HOXB3: variants seen among roughly 807,000 people sequenced by gnomAD.
The protein encoded by HOXB3 is homeobox B3, also known as homeobox protein Hox-B3.
HOXB3 carries 17 observed loss-of-function variants against 29.2 expected under a neutral mutation model. That is an observed-to-expected ratio of 0.58 (90% CI 0.40 to 0.87). The LOEUF (loss-of-function observed/expected upper bound fraction) is 0.87. Ranked by LOEUF, HOXB3 falls within the 40% of genes least tolerant of loss-of-function variation. The pLI is 0.00. For synonymous variants in HOXB3, 317 were observed against 285.9 expected (o/e 1.11, Z -1.10); for missense variants, 637 against 616.3 (o/e 1.03, Z -0.35).
At chr17:48,563,783 G>T (rs2069283058) in intron 2 of HOXB3, among the ~76,000 whole-genome samples, 1 of 152,120 alleles carries the variant, frequency 6.6e-6, no homozygotes, top group South Asian at 2.1e-4. Context: ...CAAATAACCC[G>T]CTAGGTGCTA....
chr17:48,573,810 C>G (rs148713420), intron 2 of HOXB3, 27 bp downstream of exon 2: 1 of 701,200 alleles, frequency 1.4e-6, no homozygotes, highest in African/African-American at 1.7e-5. Context: ...GATCAAAACA[C>G]GCCAGCCCGG....
intron 2 of HOXB3, chr17:48,557,157 G>A (rs1364136520): frequency 1.3e-5 from 2 of 152,430 alleles, no homozygotes; most frequent in Admixed American, 1.3e-4. Context: ...AAGCAGGAGT[G>A]TTTGCAACTC....
chr17:48,580,225 G>C, intron 1 of HOXB3: 2 of 237,264 alleles, frequency 8.4e-6, no homozygotes, highest in Non-Finnish European at 1.6e-5. Context: ...CATTAGCTAA[G>C]CACAAAAGGA....
At chr17:48,557,963 G>C (rs1329470742) in intron 2 of HOXB3, among the ~76,000 whole-genome samples, 1 of 151,940 alleles carries the variant, frequency 6.6e-6, no homozygotes, top group East Asian at 1.9e-4. Flanking sequence ...GAGCTTGGTG[G>C]GTCAGGGACT....
In HOXB3 at chr17:48,550,865, C is replaced by G; in HGVS notation, c.765G>C (p.Ser255=). The change falls in exon 5 of 5, where the codon TCG becomes TCC. Residue 255 remains serine, a synonymous_variant. Transcript: ENST00000498678. ...KDQKAKGLAS[S]SGGPSPAGSP... ...TGCCGGCTGGAGATGGGCCCCCCGA[C>G]GACGAGGCCAATCCCTTGGCCTTCT... The G allele has an allele frequency of 2.1e-5, 34 of 1,613,924 alleles. No homozygotes were observed. Among genetic ancestry groups the G allele is most frequent in the Non-Finnish European group, 2.8e-5 (33 of 1,179,930 alleles).
At chr17:48,573,460 C>T (rs1337712453) in intron 2 of HOXB3, among the ~76,000 whole-genome samples, 1 of 152,212 alleles carries the variant, frequency 6.6e-6, no homozygotes, top group Non-Finnish European at 1.5e-5. Context: ...ACACCGACCA[C>T]ATGTGGACCT....
intron 1 of HOXB3, chr17:48,577,886 A>T (rs1323125096): frequency 2.2e-6 from 3 of 1,389,532 alleles, no homozygotes; most frequent in Non-Finnish European, 1.9e-6. Flanking sequence ...AACTTTGCGC[A>T]TCCAGGGGTA....
In HOXB3 at chr17:48,552,412, G is replaced by A. The variant is rs766961934; in HGVS notation, c.63C>T (p.Tyr21=). The A allele has an allele frequency of 1.2e-6, 2 of 1,610,660 alleles. No individual in the cohort carries two copies. The highest frequency in any genetic ancestry group is 1.7e-6 in the Non-Finnish European group (2 of 1,177,754). The change falls in exon 4 of 5, where the codon TAC becomes TAT. Residue 21 remains tyrosine, a synonymous_variant. Transcript: ENST00000498678. ...CGAAGCCGAAGCCATTGCTGCCAGG[G>A]TACGAGGAATAGCCTCCGAAGAGAG... ...AAALFGGYSS[Y]PGSNGFGFDV...
intron 2 of HOXB3, chr17:48,557,342 G>A (rs2069028385): frequency 6.6e-6 from 1 of 152,300 alleles, no homozygotes; most frequent in Non-Finnish European, 1.5e-5. Context: ...GAGGGAACGG[G>A]ACTGGGGACA....
chr17:48,577,921 G>A (rs372137523), intron 1 of HOXB3: 10 of 1,373,736 alleles, frequency 7.3e-6, no homozygotes, highest in Middle Eastern at 1.9e-4. Context: ...TGCACGCGGA[G>A]TGGGACGGGC....
intron 2 of HOXB3, among the ~76,000 whole-genome samples, chr17:48,563,994 C>T (rs925352762): frequency 2.0e-5 from 3 of 152,182 alleles, no homozygotes; most frequent in African/African-American, 7.2e-5. Flanking sequence ...GTCCACACGC[C>T]CACCCAAACA....
intron 2 of HOXB3, among the ~76,000 whole-genome samples, chr17:48,568,407 C>A (rs1400540215): frequency 6.6e-6 from 1 of 152,192 alleles, no homozygotes; most frequent in Non-Finnish European, 1.5e-5. Context: ...TAATTTAAGA[C>A]CTCCAGCTAT....
intron 3 of HOXB3, chr17:48,553,254 A>G (rs555815223): frequency 1.3e-5 from 2 of 152,454 alleles, no homozygotes; most frequent in Admixed American, 6.5e-5. Flanking sequence ...TTTAACCTCA[A>G]GAGCCAGCTG....
chr17:48,574,197 T>C (rs2069682531), intron 1 of HOXB3, 183 bp from the exon 2 acceptor site: 1 of 265,762 alleles, frequency 3.8e-6, no homozygotes, highest in East Asian at 8.2e-5. Flanking sequence ...CAGCTTTGAT[T>C]TGGTTCTTTA....
chr17:48,575,789 G>A (rs1055181570), intron 1 of HOXB3: 10 of 152,546 alleles, frequency 6.6e-5, no homozygotes, highest in African/African-American at 2.4e-4. Context: ...TTATTTCCTA[G>A]TTTCACATTC....
chr17:48,554,570 G>A lies in HOXB3; in HGVS notation c.-159+961C>T. 2 of 696,980 alleles carry A rather than the reference G, an allele frequency of 2.9e-6. No individual in the cohort carries two copies. Among genetic ancestry groups the A allele is most frequent in the Non-Finnish European group, 2.6e-6 (1 of 382,206 alleles). 43.2% of individuals were successfully genotyped at this position (696,980 alleles called of 1,614,324 possible). A position where few individuals can be genotyped will look rare whatever the true frequency, so the allele number is the denominator to read the frequency against. On this transcript the variant is annotated intron_variant, in intron 3 of 4. Transcript: ENST00000498678. This position sits in a 1 kb window ranked among gnomAD's most constrained non-coding sequence, Gnocchi z 4.1. ...ACCCGGGTAGTCCCTGGCTGCTGCT[G>A]CCAGGCTGCCTCAGCCGGTCGCTGC...
intron 1 of HOXB3, among the ~76,000 whole-genome samples, chr17:48,589,224 C>A (rs1264695502): frequency 6.6e-6 from 1 of 152,124 alleles, no homozygotes; most frequent in Non-Finnish European, 1.5e-5. Context: ...AAAAGAGCAC[C>A]TTTCCTATTT....
rs192354927 is a variant in HOXB3 at position 48,582,927 on chromosome 17, T to C, written c.-425+7198A>G. Among the ~76,000 whole-genome samples the C allele has an allele frequency of 8.5e-4, 130 of 152,316 alleles. 1 individual carries two copies. The highest frequency in any genetic ancestry group is 6.8e-3 in the Middle Eastern group (2 of 294). The stretch of plus-strand genomic sequence containing the variant: ...AGAATGAGGCTGGCACGGGGAAAAC[T>C]GAAAGCATGGCTTTGGGCACCTGGG... On this transcript the variant is annotated intron_variant, in intron 1 of 4. Transcript: ENST00000498678.
chr17:48,568,037 C>T (rs1481078911), intron 2 of HOXB3, among the ~76,000 whole-genome samples: 1 of 152,192 alleles, frequency 6.6e-6, no homozygotes, highest in Non-Finnish European at 1.5e-5. Context: ...GTAACGGAAC[C>T]CCTCCCATCC....
Sources: gnomAD v4.1 joint callset for allele counts (sites outside exome capture counted in the v4.1 genomes callset) on GRCh38, gnomAD v4.1.1 for gene constraint, Gnocchi (gnomAD v3.1) non-coding constraint, MANE v1.5 for transcripts, NCBI Gene and HGNC (gene_info 2026-07-23, HGNC 2026-07-21) for gene names.